PPP3R1: variants seen among roughly 807,000 people sequenced by gnomAD.
PPP3R1 encodes the protein protein phosphatase 3 regulatory subunit B, alpha, also known as calcineurin subunit B type 1.
A neutral mutation model predicts 22.6 loss-of-function variants in PPP3R1; 5 were observed. That is an observed-to-expected ratio of 0.22 (90% CI 0.12 to 0.46). The LOEUF is 0.46. PPP3R1 is among the 20% of genes least tolerant of loss of function. The pLI is 0.99. For missense variants in PPP3R1, 61 were observed against 203.2 expected (o/e 0.30, Z 4.25); for synonymous variants, 56 against 65.2 (o/e 0.86, Z 0.68).
intron 2 of PPP3R1, among the ~76,000 whole-genome samples, chr2:68,192,528 G>A (rs1310381550): frequency 6.6e-6 from 1 of 152,060 alleles, no homozygotes; most frequent in African/African-American, 2.4e-5. Context: ...TGTTTATCAA[G>A]AAACTGAAAT....
intron 1 of PPP3R1, among the ~76,000 whole-genome samples, chr2:68,238,394 A>T (rs1670055780): frequency 6.6e-6 from 1 of 152,142 alleles, no homozygotes; most frequent in African/African-American, 2.4e-5. Flanking sequence ...TTTGCCAGAC[A>T]GAGAAAGGGG....
intron 1 of PPP3R1, among the ~76,000 whole-genome samples, chr2:68,248,517 A>G (rs573776922): frequency 1.3e-5 from 2 of 152,204 alleles, no homozygotes; most frequent in South Asian, 2.1e-4. Context: ...AGTTCAGCCT[A>G]TATCACAATT....
In PPP3R1 at chr2:68,179,162, A is replaced by G. The variant is rs532306876; in HGVS notation, c.*1801T>C. 2.0e-5 allele frequency: 3 copies of G among 152,780 alleles called. No individual in the cohort carries two copies. Among genetic ancestry groups the G allele is most frequent in the Admixed American group, 2.0e-4 (3 of 15,306 alleles). The allele number at this position is 152,780 out of a possible 1,614,324, so 9.5% of individuals were successfully genotyped here. A position where few individuals can be genotyped will look rare whatever the true frequency, so the allele number is the denominator to read the frequency against. ...AAATACTTATGTACAAAAAATTCAC[A>G]AAAGGCTAGTTCCCCCTTGAAGCAG... On this transcript the variant is annotated 3_prime_UTR_variant, in exon 6 of 6. Coordinates refer to ENST00000234310, the MANE Select transcript of PPP3R1 (RefSeq NM_000945.4).
At chr2:68,250,737 A>C (rs919670359) in intron 1 of PPP3R1, among the ~76,000 whole-genome samples, 1 of 152,226 alleles carries the variant, frequency 6.6e-6, no homozygotes, top group Admixed American at 6.5e-5. Flanking sequence ...GCAATCATTT[A>C]AGTCTGCTCT....
chr2:68,252,121 T>C lies in PPP3R1; in HGVS notation c.3+4A>G. 2 of 1,439,326 alleles carry C rather than the reference T, an allele frequency of 1.4e-6. No homozygotes were observed. Among genetic ancestry groups the C allele is most frequent in the South Asian group, 1.3e-5 (1 of 75,132 alleles). 89.2% of individuals were successfully genotyped at this position (1,439,326 alleles called of 1,614,324 possible). A position where few individuals can be genotyped will look rare whatever the true frequency, so the allele number is the denominator to read the frequency against. ...ATGGTGCATCGAGGAAGCCAAGGTC[T>C]CACCATTTTGCTCGGCGGGTCGGCG... is the stretch of plus-strand genomic sequence containing the variant. On this transcript the variant is annotated splice_donor_region_variant and intron_variant, in intron 1 of 5. Transcript: ENST00000234310.
At chr2:68,212,252 C>T (rs1294611564) in intron 2 of PPP3R1, among the ~76,000 whole-genome samples, 2 of 152,048 alleles carry the variant, frequency 1.3e-5, no homozygotes, top group African/African-American at 4.8e-5. Flanking sequence ...GGCTAATTTT[C>T]ATATTTTTGG....
intron 2 of PPP3R1, among the ~76,000 whole-genome samples, chr2:68,211,260 A>G (rs1669477265): frequency 6.6e-6 from 1 of 152,100 alleles, no homozygotes; most frequent in South Asian, 2.1e-4. Context: ...CAAAAAAATT[A>G]GCCCGGCGTG....
chr2:68,206,162 C>T (rs1337498433), intron 2 of PPP3R1, among the ~76,000 whole-genome samples: 1 of 152,040 alleles, frequency 6.6e-6, no homozygotes, highest in East Asian at 1.9e-4. Context: ...GAGAAACTTC[C>T]AGGTACATGC....
chr2:68,240,339 ATCTGT>A (rs770751754), intron 1 of PPP3R1, among the ~76,000 whole-genome samples: 82 of 152,140 alleles, frequency 5.4e-4, no homozygotes, highest in Non-Finnish European at 6.6e-4. Context: ...GAGTTCTTAG[ATCTGT>A]TCTGATTCTG....
Position 68,189,585 on chromosome 2 carries a change from G to A in PPP3R1, c.44-895C>T, listed in dbSNP as rs376341896. Among the ~76,000 whole-genome samples, 6 of 151,938 alleles carry A rather than the reference G, an allele frequency of 3.9e-5. No homozygotes were observed. In the South Asian group the frequency reaches 6.2e-4, roughly 16 times the overall value. On this transcript the variant is annotated intron_variant, in intron 2 of 5. Coordinates refer to ENST00000234310, the MANE Select transcript of PPP3R1 (RefSeq NM_000945.4). ...ATATATTTTTTAAATTAAATACAAC[G>A]GGCCAGGCGCAATGGCTCACGCTTG...
At chr2:68,200,326 C>T (rs548242441) in intron 2 of PPP3R1, among the ~76,000 whole-genome samples, 2 of 152,256 alleles carry the variant, frequency 1.3e-5, no homozygotes, top group East Asian at 3.9e-4. Flanking sequence ...ATACCACATA[C>T]CACTGACTTC....
chr2:68,202,672 G>A (rs1252242402), intron 2 of PPP3R1, among the ~76,000 whole-genome samples: 1 of 151,598 alleles, frequency 6.6e-6, no homozygotes, highest in African/African-American at 2.4e-5. Flanking sequence ...TGATCCACTT[G>A]CCTCGGTCTC....
At chr2:68,213,177 T>C (rs879594100) in intron 2 of PPP3R1, among the ~76,000 whole-genome samples, 1 of 152,242 alleles carries the variant, frequency 6.6e-6, no homozygotes, top group Non-Finnish European at 1.5e-5. Context: ...TAAGAACTTT[T>C]CCTTTGCATT....
chr2:68,204,967 A>G, intron 2 of PPP3R1, among the ~76,000 whole-genome samples: 1 of 152,228 alleles, frequency 6.6e-6, no homozygotes, highest in South Asian at 2.1e-4. Context: ...TACAGTCTGC[A>G]TGCCATTCTG....
chr2:68,221,605 C>T (rs1669690070), intron 1 of PPP3R1, among the ~76,000 whole-genome samples: 1 of 151,842 alleles, frequency 6.6e-6, no homozygotes, highest in Non-Finnish European at 1.5e-5. Context: ...AATAATGGCC[C>T]CAAATCTTCC....
In PPP3R1 at chr2:68,195,572, T is replaced by A. The variant is rs139408835; in HGVS notation, c.44-6882A>T. 3.3e-3 allele frequency among the ~76,000 whole-genome samples: 501 copies of A among 152,288 alleles called. 5 individuals are homozygous for A. The highest frequency in any genetic ancestry group is 0.012 in the African/African-American group (482 of 41,546). The stretch of plus-strand genomic sequence containing the variant: ...CAAATACTCTTTTCTCCTCAAACTC[T>A]GACCTAATTTTGGCATCCATCAGCA... On this transcript the variant is annotated intron_variant, in intron 2 of 5. Transcript: ENST00000234310.
At position 68,180,919 on chromosome 2, in the gene PPP3R1, T is replaced by C; in HGVS notation, c.*44A>G. ...GACGTCTTGAGCAGATCTTCAGAGA[T>C]GGAGAAGAAAGCAAAAGTGTTGGGT... is the stretch of plus-strand genomic sequence containing the variant. On this transcript the variant is annotated 3_prime_UTR_variant, in exon 6 of 6. Coordinates refer to ENST00000234310, the MANE Select transcript of PPP3R1 (RefSeq NM_000945.4). 1 of 1,554,728 alleles carries C rather than the reference T, an allele frequency of 6.4e-7. No individual in the cohort carries two copies.
At chr2:68,185,467 A>G (rs558252164) in intron 5 of PPP3R1, among the ~76,000 whole-genome samples, 1 of 147,640 alleles carries the variant, frequency 6.8e-6, no homozygotes, top group African/African-American at 2.5e-5. Context: ...TAATTTATAT[A>G]TTATATATAT....
chr2:68,242,052 A>C (rs939129298), intron 1 of PPP3R1, among the ~76,000 whole-genome samples: 1 of 152,168 alleles, frequency 6.6e-6, no homozygotes, highest in Non-Finnish European at 1.5e-5. Flanking sequence ...CTTTTACTTA[A>C]CTTTAATTAA....
Sources: allele counts gnomAD v4.1 joint callset (sites outside exome capture counted in the v4.1 genomes callset), GRCh38; gene constraint gnomAD v4.1.1; transcripts MANE v1.5; gene names NCBI Gene and HGNC (gene_info 2026-07-23, HGNC 2026-07-21).